POLR3B: variants seen among roughly 807,000 people sequenced by gnomAD.
The protein encoded by POLR3B is RNA polymerase III subunit B.
A neutral mutation model predicts 147.4 loss-of-function variants in POLR3B; 96 were observed. That is an observed-to-expected ratio of 0.65 (90% CI 0.55 to 0.77). The LOEUF (loss-of-function observed/expected upper bound fraction) is 0.77. Among genes scored for constraint, POLR3B ranks in the 30% least tolerant of loss-of-function variants. The pLI is 0.00. For synonymous variants in POLR3B, 461 were observed against 485.9 expected (o/e 0.95, Z 0.67); for missense variants, 1,036 against 1,413.5 (o/e 0.73, Z 4.28).
At chr12:106,426,561 C>T (rs958153244) in intron 12 of POLR3B, among the ~76,000 whole-genome samples, 5 of 151,842 alleles carry the variant, frequency 3.3e-5, no homozygotes, top group Non-Finnish European at 7.4e-5. Context: ...GTGATCAACC[C>T]ACCTTGGCCT....
chr12:106,442,766 A>C (rs2037670073), intron 18 of POLR3B, among the ~76,000 whole-genome samples: 1 of 150,594 alleles, frequency 6.6e-6, no homozygotes, highest in African/African-American at 2.5e-5. Flanking sequence ...TTAAGGTTAC[A>C]CTTCACAAAC....
intron 18 of POLR3B, among the ~76,000 whole-genome samples, chr12:106,438,759 C>A (rs879752715): frequency 1.3e-5 from 2 of 152,172 alleles, no homozygotes; most frequent in African/African-American, 4.8e-5. Context: ...ATATACTTAC[C>A]TCTGTTAGAG....
intron 18 of POLR3B, among the ~76,000 whole-genome samples, chr12:106,440,073 T>C (rs2137011994): frequency 6.6e-6 from 1 of 152,170 alleles, no homozygotes; most frequent in Admixed American, 6.5e-5. Context: ...AAAATATAGA[T>C]ATAGATATGT....
chr12:106,480,922 T>C (rs2038258576), intron 23 of POLR3B, among the ~76,000 whole-genome samples: 1 of 151,688 alleles, frequency 6.6e-6, no homozygotes, highest in Non-Finnish European at 1.5e-5. Context: ...GGGGAGGGCG[T>C]GTGGTTAGTG....
At chr12:106,378,652 A>T (rs538201259) in intron 8 of POLR3B, among the ~76,000 whole-genome samples, 6 of 120,576 alleles carry the variant, frequency 5.0e-5, no homozygotes, top group African/African-American at 1.0e-4. Flanking sequence ...AAGGAGATTT[A>T]AAAAAAAAAA....
chr12:106,412,595 A>G (rs181042484), intron 12 of POLR3B, among the ~76,000 whole-genome samples: 100 of 152,356 alleles, frequency 6.6e-4, no homozygotes, highest in Non-Finnish European at 1.2e-3. Context: ...TACTCTTTCA[A>G]TGAATTTCAA....
chr12:106,461,229 G>A (rs1039533789), intron 22 of POLR3B, among the ~76,000 whole-genome samples: 2 of 151,884 alleles, frequency 1.3e-5, no homozygotes, highest in African/African-American at 4.8e-5. Flanking sequence ...GAGTAGCTGG[G>A]ACTACAGGCA....
intron 26 of POLR3B, among the ~76,000 whole-genome samples, chr12:106,501,780 C>T (rs976565262): frequency 3.3e-5 from 5 of 152,180 alleles, no homozygotes; most frequent in African/African-American, 1.2e-4. Flanking sequence ...GATATACTTG[C>T]ATGTACCCAT....
At chr12:106,494,325 G>A (rs1592774219) in intron 23 of POLR3B, among the ~76,000 whole-genome samples, 1 of 152,090 alleles carries the variant, frequency 6.6e-6, no homozygotes, top group Admixed American at 6.5e-5. Flanking sequence ...TTCTCTTGAT[G>A]GAGGGTGGAC....
chr12:106,463,465 C>A lies in POLR3B; in HGVS notation c.2571-13C>A. 3 of 1,612,578 alleles carry A rather than the reference C, an allele frequency of 1.9e-6. No homozygotes were observed. Among genetic ancestry groups the A allele is most frequent in the Non-Finnish European group, 2.5e-6 (3 of 1,178,854 alleles). ...TTGAAAACTCTGTTTTAGTGACTTT[C>A]TCTTAACACCAGCTACAAAGGAGCA... On this transcript the variant is annotated splice_polypyrimidine_tract_variant and intron_variant, in intron 22 of 27. Coordinates refer to ENST00000228347, the MANE Select transcript of POLR3B (RefSeq NM_018082.6).
rs756485164 is a variant in POLR3B at position 106,366,536 on chromosome 12, G to A, written c.126G>A (p.Gln42=). Residue 42 remains glutamine, a synonymous_variant, in exon 3 of 28, where the codon CAG becomes CAA. Coordinates refer to ENST00000228347, the MANE Select transcript of POLR3B (RefSeq NM_018082.6). The part of the protein sequence containing the change: ...AFLKVKGLVK[Q]HIDSFNYFIN... ...TTTAGGTGAAAGGCCTTGTGAAACA[G>A]CATATAGATTCATTTAACTATTTCA... 2 of 1,610,202 alleles carry A rather than the reference G, an allele frequency of 1.2e-6. No homozygotes were observed. The highest frequency in any genetic ancestry group is 1.7e-6 in the Non-Finnish European group (2 of 1,176,950).
intron 16 of POLR3B, among the ~76,000 whole-genome samples, chr12:106,436,702 T>C (rs2037581400): frequency 6.6e-6 from 1 of 152,230 alleles, no homozygotes; most frequent in Non-Finnish European, 1.5e-5. Context: ...TTTTAAAATA[T>C]GGCATTAAAG....
chr12:106,481,320 G>A (rs544053006), intron 23 of POLR3B, among the ~76,000 whole-genome samples: 3 of 152,334 alleles, frequency 2.0e-5, no homozygotes, highest in South Asian at 4.1e-4. Flanking sequence ...AAAGCATAAC[G>A]ATGAGGAATT....
At chr12:106,403,090 A>G (rs1458998305) in intron 10 of POLR3B, among the ~76,000 whole-genome samples, 3 of 151,690 alleles carry the variant, frequency 2.0e-5, no homozygotes, top group Non-Finnish European at 4.4e-5. Context: ...CAGAATCTAC[A>G]ATGAACTCAA....
intron 25 of POLR3B, among the ~76,000 whole-genome samples, chr12:106,500,698 G>T (rs1339203117): frequency 6.6e-6 from 1 of 152,154 alleles, no homozygotes; most frequent in African/African-American, 2.4e-5. Flanking sequence ...TAAGTCAGAG[G>T]CCCCAAGAGA....
intron 19 of POLR3B, among the ~76,000 whole-genome samples, chr12:106,447,553 G>A (rs900578958): frequency 6.6e-6 from 1 of 152,198 alleles, no homozygotes; most frequent in African/African-American, 2.4e-5. Context: ...GAAATGGCTG[G>A]ATCTCCAGGT....
chr12:106,451,262 ATG>A (rs2037791106), intron 19 of POLR3B, among the ~76,000 whole-genome samples: 2 of 152,004 alleles, frequency 1.3e-5, no homozygotes, highest in Non-Finnish European at 2.9e-5. Flanking sequence ...GTTCTGATAT[ATG>A]TATATCAGAA....
chr12:106,482,822 A>G (rs1333086826), intron 23 of POLR3B, among the ~76,000 whole-genome samples: 4 of 152,154 alleles, frequency 2.6e-5, no homozygotes, highest in Non-Finnish European at 5.9e-5. Context: ...ATCCTTTATT[A>G]AATAAAGGAT....
chr12:106,470,155 A>C (rs1211226474), intron 23 of POLR3B, among the ~76,000 whole-genome samples: 1 of 148,936 alleles, frequency 6.7e-6, no homozygotes, highest in Non-Finnish European at 1.5e-5. Flanking sequence ...ATTTCTTTTC[A>C]CTCTTTTTTC....
Sources: allele counts gnomAD v4.1 joint callset (sites outside exome capture counted in the v4.1 genomes callset), GRCh38; gene constraint gnomAD v4.1.1; transcripts MANE v1.5; gene names NCBI Gene and HGNC (gene_info 2026-07-23, HGNC 2026-07-21).